COX7A2L: variants seen among roughly 807,000 people sequenced by gnomAD.
COX7A2L encodes cytochrome c oxidase subunit 7A2 like.
Under a neutral mutation model 14.2 loss-of-function variants are expected in COX7A2L, and 18 were observed. The ratio of observed to expected loss-of-function variants is 1.27; its 90% CI spans 0.88 to 1.88. The LOEUF (loss-of-function observed/expected upper bound fraction) is 1.88, where lower values mean the gene tolerates loss of function less well. Ranked by LOEUF, COX7A2L falls within the 40% of genes most tolerant of loss-of-function variation. COX7A2L has a pLI of 0.00. For missense variants in COX7A2L, 179 were observed against 138.8 expected (o/e 1.29, Z -1.46); for synonymous variants, 65 against 57.4 (o/e 1.13, Z -0.60).
At chr2:42,351,782 T>C (rs1245074430) in intron 2 of COX7A2L, among the ~76,000 whole-genome samples, 1 of 152,160 alleles carries the variant, frequency 6.6e-6, no homozygotes, top group East Asian at 1.9e-4. Context: ...AAGACCAGCC[T>C]GGGCAACATG....
intron 2 of COX7A2L, among the ~76,000 whole-genome samples, chr2:42,336,514 T>C (rs1204886405): frequency 1.3e-5 from 2 of 152,102 alleles, no homozygotes; most frequent in African/African-American, 2.4e-5. Context: ...TTCAGCCTGG[T>C]CATCCCATCT....
downstream of COX7A2L, among the ~76,000 whole-genome samples, chr2:42,347,030 G>A (rs1050146633): frequency 1.3e-5 from 2 of 152,004 alleles, no homozygotes; most frequent in South Asian, 4.1e-4. Flanking sequence ...TCCTGCCTCA[G>A]CCCTTTTTGT....
downstream of COX7A2L, among the ~76,000 whole-genome samples, chr2:42,346,607 C>T (rs745761843): frequency 6.6e-6 from 1 of 152,020 alleles, no homozygotes; most frequent in Non-Finnish European, 1.5e-5. Context: ...GCAGCAAGAC[C>T]TCGTCTCTCC....
intron 2 of COX7A2L, among the ~76,000 whole-genome samples, chr2:42,344,086 A>C (rs1446408271): frequency 6.6e-6 from 1 of 151,864 alleles, no homozygotes; most frequent in African/African-American, 2.4e-5. Flanking sequence ...TGTGTACCCT[A>C]AAAAAAAATT....
At chr2:42,368,458 AG>A (rs997162457) in intron 1 of COX7A2L, among the ~76,000 whole-genome samples, 5 of 152,374 alleles carry the variant, frequency 3.3e-5, no homozygotes, top group African/African-American at 1.2e-4. Context: ...TTGTTTAAAA[AG>A]CTCATAACAA....
rs1670629295 is a variant in COX7A2L at position 42,351,163 on chromosome 2, A to G, written c.*56T>C. 6.6e-7 allele frequency: 1 copy of G among 1,507,758 alleles called. No homozygotes were observed. The highest frequency in any genetic ancestry group is 8.9e-7 in the Non-Finnish European group (1 of 1,125,820). 93.4% of individuals were successfully genotyped at this position (1,507,758 alleles called of 1,614,324 possible). A position where few individuals can be genotyped will look rare whatever the true frequency, so the allele number is the denominator to read the frequency against. On this transcript the variant is annotated 3_prime_UTR_variant, in exon 3 of 3. Transcript: ENST00000234301. ...AAAAAAAATTTTAATTTAACAATGA[A>G]AAAGGAACTTCAAAGGGTTTATGCC...
chr2:42,359,544 T>C (rs1013269453), intron 1 of COX7A2L: 5 of 152,356 alleles, frequency 3.3e-5, no homozygotes, highest in African/African-American at 1.2e-4. Context: ...CACTGCTGAC[T>C]ATTCCTTCCT....
In COX7A2L at chr2:42,351,303, G is replaced by C. The variant is rs1572791124; in HGVS notation, c.261C>G (p.Tyr87Ter). 4 of 1,614,198 alleles carry C rather than the reference G, an allele frequency of 2.5e-6. No individual in the cohort carries two copies. Among genetic ancestry groups the C allele is most frequent in the Middle Eastern group, 1.6e-4 (1 of 6,062 alleles). Residue 87 changes from tyrosine (Y) to a stop codon, truncating the protein, a stop_gained, in exon 3 of 3, where the codon TAC becomes TAG. Transcript: ENST00000234301. LOFTEE classifies it high-confidence loss of function. ...CCACAGTCAGCGCCATGGTGGTCCG[G>C]TAAAGCATTTGGTCAGGCAGGCCTC... ...LKRGLPDQML[Y>*]RTTMALTVGG...
chr2:42,351,437 T>G, intron 2 of COX7A2L, 78 bp from the exon 3 acceptor site: 1 of 1,531,824 alleles, frequency 6.5e-7, no homozygotes. Context: ...ATAACAAATT[T>G]GTCTACTCGG....
At position 42,342,939 on chromosome 2, in the gene COX7A2L, CAG is replaced by C. The variant is rs1670429239; in HGVS notation, c.193-9072_193-9071del. On this transcript the variant is annotated intron_variant, in intron 2 of 2. Coordinates refer to the COX7A2L transcript ENST00000468711. The surrounding 1 kb of genome is among the most constrained non-coding windows in gnomAD (Gnocchi z 4.9). ...GCCGCACCCGGGCACCGTGGAGCCA[CAG>C]AGGTCAGGAGGCCTGATTCCAGCTT... is the stretch of plus-strand genomic sequence containing the variant. Among the ~76,000 whole-genome samples the C allele has an allele frequency of 2.0e-5, 3 of 152,216 alleles. No individual in the cohort carries two copies. In the South Asian group the frequency reaches 6.2e-4, roughly 32 times the overall value.
At chr2:42,344,836 G>T (rs1225100303), downstream of COX7A2L, among the ~76,000 whole-genome samples, 2 of 149,146 alleles carry the variant, frequency 1.3e-5, no homozygotes, top group South Asian at 4.2e-4. Context: ...GGGTGACAAA[G>T]CAAGACTCCG....
rs1260242556 is a variant in COX7A2L at position 42,339,219 on chromosome 2, A to C, written c.193-5350T>G. Among the ~76,000 whole-genome samples the C allele has an allele frequency of 6.6e-6, 1 of 152,230 alleles. No homozygotes were observed. The highest frequency in any genetic ancestry group is 1.5e-5 in the Non-Finnish European group (1 of 68,030). ...TTATTAACCATTATCAAGTTTAAACACAAGGATTTGCCAGGGAGGGCACTC... is the reference window on the plus strand; with the variant it reads ...TTATTAACCATTATCAAGTTTAAACCCAAGGATTTGCCAGGGAGGGCACTC... On this transcript the variant is annotated intron_variant, in intron 2 of 2. Coordinates refer to the COX7A2L transcript ENST00000468711. This position sits in a 1 kb window ranked among gnomAD's most constrained non-coding sequence, Gnocchi z 5.4.
In COX7A2L at chr2:42,339,465, G is replaced by GC. The variant is rs1002185311; in HGVS notation, c.193-5597dup. On this transcript the variant is annotated intron_variant, in intron 2 of 2. Coordinates refer to the COX7A2L transcript ENST00000468711. The surrounding 1 kb of genome is among the most constrained non-coding windows in gnomAD (Gnocchi z 5.4). The stretch of plus-strand genomic sequence containing the variant: ...CGTTACTCCTGCCTCTACAGAGCTG[G>GC]CGCGGTGGCTTGAGCTCCAGGCATG... Among the ~76,000 whole-genome samples, 2 of 152,126 alleles carry GC rather than the reference G, an allele frequency of 1.3e-5. No homozygotes were observed. Among genetic ancestry groups the GC allele is most frequent in the African/African-American group, 4.8e-5 (2 of 41,428 alleles).
At chr2:42,335,634 A>T (rs1670253817) in intron 2 of COX7A2L, among the ~76,000 whole-genome samples, 1 of 152,214 alleles carries the variant, frequency 6.6e-6, no homozygotes, top group South Asian at 2.1e-4. Context: ...CAGATGAAGA[A>T]ACTTGAGGTA....
intron 2 of COX7A2L, among the ~76,000 whole-genome samples, chr2:42,337,220 G>A (rs1043019300): frequency 3.3e-5 from 5 of 152,160 alleles, no homozygotes; most frequent in Admixed American, 3.3e-4. Context: ...AAGTGATGTT[G>A]CTACTTCTGG....
rs1469739719 is a variant in COX7A2L, at chr2:42,339,730, C to A, written c.193-5861G>T. On this transcript the variant is annotated intron_variant, in intron 2 of 2. Transcript: ENST00000468711. This position sits in a 1 kb window ranked among gnomAD's most constrained non-coding sequence, Gnocchi z 5.4. The stretch of plus-strand genomic sequence containing the variant: ...CACCCCTGGAGGAAGACCTGGGATG[C>A]TGCCAGCACTCAGAAGTCGGCCTGT... Among the ~76,000 whole-genome samples, 2 of 152,192 alleles carry A rather than the reference C, an allele frequency of 1.3e-5. No homozygotes were observed. Among genetic ancestry groups the A allele is most frequent in the Non-Finnish European group, 2.9e-5 (2 of 68,030 alleles).
chr2:42,357,656 A>G (rs1209290055), intron 1 of COX7A2L, among the ~76,000 whole-genome samples: 2 of 151,866 alleles, frequency 1.3e-5, no homozygotes, highest in Non-Finnish European at 2.9e-5. Context: ...ACCTACCTCC[A>G]TGTCCTTCTG....
At chr2:42,354,590 T>C (rs113951781) in intron 1 of COX7A2L, among the ~76,000 whole-genome samples, 2,655 of 152,258 alleles carry the variant, frequency 0.017, 70 homozygotes, top group African/African-American at 0.061. Context: ...TTATAAAGAT[T>C]AGATATTGAA....
chr2:42,342,366 C>G lies in COX7A2L; in HGVS notation c.193-8497G>C, dbSNP rs1670418426. Among the ~76,000 whole-genome samples the G allele has an allele frequency of 6.6e-6, 1 of 152,078 alleles. No individual in the cohort carries two copies. Among genetic ancestry groups the G allele is most frequent in the Non-Finnish European group, 1.5e-5 (1 of 68,002 alleles). On this transcript the variant is annotated intron_variant, in intron 2 of 2. Transcript: ENST00000468711. This position sits in a 1 kb window ranked among gnomAD's most constrained non-coding sequence, Gnocchi z 4.9. ...TTGGCAAGATGCCCTCAGAAACCAC[C>G]CCAATTTCTGCACCCACTTATTCCT...
Sources: allele counts gnomAD v4.1 joint callset (sites outside exome capture counted in the v4.1 genomes callset), GRCh38; gene constraint gnomAD v4.1.1; non-coding constraint Gnocchi (gnomAD v3.1); transcripts MANE v1.5; gene names NCBI Gene and HGNC (gene_info 2026-07-23, HGNC 2026-07-21).